Variants in ARVCF observed in about 807,000 individuals in gnomAD.
ARVCF encodes splicing regulator ARVCF.
In ARVCF, 66 loss-of-function variants were observed where a neutral mutation model predicts 90.9. That is an observed-to-expected ratio of 0.73 (90% CI 0.60 to 0.89). The LOEUF (loss-of-function observed/expected upper bound fraction) is 0.89, where lower values mean the gene tolerates loss of function less well. Among genes scored for constraint, ARVCF ranks in the 40% least tolerant of loss-of-function variants. The pLI, the probability that ARVCF is intolerant of heterozygous loss-of-function variation, is 0.00. For missense variants in ARVCF, 1,469 were observed against 1,382.3 expected (o/e 1.06, Z -1.00); for synonymous variants, 653 against 603.4 (o/e 1.08, Z -1.21).
At chr22:19,998,295 A>G (rs1944326701) in intron 2 of ARVCF, among the ~76,000 whole-genome samples, 1 of 152,128 alleles carries the variant, frequency 6.6e-6, no homozygotes, top group African/African-American at 2.4e-5. Flanking sequence ...CTCTATCACC[A>G]TGGAAACACC....
At chr22:19,998,242 C>T (rs1055674574) in intron 2 of ARVCF, among the ~76,000 whole-genome samples, 1 of 152,226 alleles carries the variant, frequency 6.6e-6, no homozygotes, top group Non-Finnish European at 1.5e-5. Context: ...ACGCCCTTTC[C>T]CCCCTCATTG....
chr22:19,994,729 G>A (rs1379513595), intron 2 of ARVCF, among the ~76,000 whole-genome samples: 5 of 143,812 alleles, frequency 3.5e-5, no homozygotes, highest in Admixed American at 2.7e-4. Flanking sequence ...GGGTAGGTGG[G>A]GGGGAATGAT....
chr22:19,972,123 C>A (rs1942844950), intron 17 of ARVCF, 152 bp from the exon 18 acceptor site: 1 of 898,244 alleles, frequency 1.1e-6, no homozygotes, highest in Non-Finnish European at 1.7e-6. Flanking sequence ...CAGGCTGGTG[C>A]CAGCTCTCAC....
intron 3 of ARVCF, among the ~76,000 whole-genome samples, chr22:19,985,680 T>C (rs536652711): frequency 6.6e-5 from 10 of 152,064 alleles, no homozygotes; most frequent in Admixed American, 5.2e-4. Flanking sequence ...CCTGGTCCCA[T>C]ATTACTTATC....
chr22:19,997,942 C>T (rs938809226), intron 2 of ARVCF, among the ~76,000 whole-genome samples: 3 of 152,326 alleles, frequency 2.0e-5, no homozygotes, highest in Admixed American at 6.5e-5. Context: ...GCAGTGGAGG[C>T]GGAGGCGGGG....
chr22:19,989,139 T>C (rs1204905643), intron 3 of ARVCF, among the ~76,000 whole-genome samples: 2 of 151,958 alleles, frequency 1.3e-5, no homozygotes, highest in African/African-American at 4.8e-5. Flanking sequence ...AGCGTTCTGC[T>C]TCCCCGCCTC....
intron 11 of ARVCF, among the ~76,000 whole-genome samples, 165 bp downstream of exon 11, chr22:19,975,521 C>T: frequency 6.6e-6 from 1 of 152,226 alleles, no homozygotes; most frequent in East Asian, 1.9e-4. Flanking sequence ...CAGCAGGTGT[C>T]CTGGTGCTGA....
At position 19,979,786 on chromosome 22, in the gene ARVCF, C is replaced by A. The variant is rs754283291; in HGVS notation, c.1353G>T (p.Leu451=). 15 of 1,608,192 alleles carry A rather than the reference C, an allele frequency of 9.3e-6. No individual in the cohort carries two copies. The highest frequency in any genetic ancestry group is 1.2e-5 in the Non-Finnish European group (14 of 1,177,674). The part of the protein sequence containing the change: ...DCGGVPALVR[L]LRAARDNEVR... ...CCTCGTTGTCCCGGGCAGCCCTCAG[C>A]AGGCGCACCAGGGCAGGCACACCAC... Residue 451 remains leucine, a synonymous_variant, in exon 6 of 20, where the codon CTG becomes CTT. Transcript: ENST00000263207.
intron 2 of ARVCF, among the ~76,000 whole-genome samples, chr22:20,003,306 C>T (rs1944507864): frequency 6.6e-6 from 1 of 152,136 alleles, no homozygotes; most frequent in Non-Finnish European, 1.5e-5. Flanking sequence ...CACCAATCGT[C>T]CTCAAACTTT....
chr22:20,013,119 C>T (rs921496393), intron 1 of ARVCF, among the ~76,000 whole-genome samples: 4 of 152,240 alleles, frequency 2.6e-5, no homozygotes, highest in African/African-American at 4.8e-5. Flanking sequence ...TGGAGTGCCC[C>T]GTGGCCAGTG....
At chr22:19,968,561 C>T, downstream of ARVCF, 1 of 1,614,070 alleles carries the variant, frequency 6.2e-7, no homozygotes. Flanking sequence ...CGGAAGGGGA[C>T]AGTGCTACTG....
downstream of ARVCF, chr22:19,967,031 G>A (rs1282180727): frequency 7.5e-6 from 9 of 1,202,198 alleles, no homozygotes; most frequent in Admixed American, 1.4e-4. Flanking sequence ...AGTGTCGGGC[G>A]ACAGGCAGGA....
In ARVCF at chr22:19,977,420, G is replaced by T; in HGVS notation, c.1865C>A (p.Ala622Asp). The T allele has an allele frequency of 6.6e-7, 1 of 1,524,152 alleles. No homozygotes were observed. 94.4% of individuals were successfully genotyped at this position (1,524,152 alleles called of 1,614,324 possible). ...DDASCFGGKKAKEEWFHQGKK... is the reference protein window; with the variant it reads ...DDASCFGGKKDKEEWFHQGKK... ...CCCCAGTCCGCCCCACCCACCTTTG[G>T]CCTTCTTGCCTCCAAAGCAGCTGGC... Residue 622 changes from alanine (A) to aspartate (D), a missense_variant, in exon 9 of 20, where the codon GCC becomes GAC. Coordinates refer to ENST00000263207, the MANE Select transcript of ARVCF (RefSeq NM_001670.3).
At chr22:19,998,606 T>C (rs931154604) in intron 2 of ARVCF, among the ~76,000 whole-genome samples, 4 of 151,528 alleles carry the variant, frequency 2.6e-5, no homozygotes, top group Non-Finnish European at 5.9e-5. Flanking sequence ...CTGCAGGAGC[T>C]GGGGGGTTCC....
At position 19,972,438 on chromosome 22, in the gene ARVCF, T is replaced by C. The variant is rs887349099; in HGVS notation, c.2642-27A>G. On this transcript the variant is annotated intron_variant, in intron 16 of 19. Coordinates refer to ENST00000263207, the MANE Select transcript of ARVCF (RefSeq NM_001670.3). ...TGCAAGGCAGGAGGAGGAGACGGGC[T>C]GCATGTGGCAGCCAGGGGGGATCGG... The C allele has an allele frequency of 2.5e-6, 4 of 1,612,894 alleles. No individual in the cohort carries two copies. In the Admixed American group the frequency reaches 5.0e-5, roughly 20 times the overall value.
intron 2 of ARVCF, among the ~76,000 whole-genome samples, chr22:19,991,600 TG>T (rs1944028786): frequency 6.6e-6 from 1 of 152,084 alleles, no homozygotes; most frequent in South Asian, 2.1e-4. Flanking sequence ...AAGCACAGGG[TG>T]GGATTGGGCC....
In ARVCF at chr22:19,974,257, G is replaced by A. The variant is rs777990697; in HGVS notation, c.1961-18C>T. 17 of 1,586,848 alleles carry A rather than the reference G, an allele frequency of 1.1e-5. No individual in the cohort carries two copies. Among genetic ancestry groups the A allele is most frequent in the South Asian group, 4.5e-5 (4 of 89,498 alleles). On this transcript the variant is annotated intron_variant, in intron 11 of 19. Transcript: ENST00000263207. ...CTCAAAGCCTAGGTGCAGGGCAACC[G>A]CCACCCACGGTCACCCAGAATCTGC...
Position 19,981,505 on chromosome 22 carries a change from T to A in ARVCF, c.602A>T (p.Tyr201Phe), listed in dbSNP as rs781583126. 21 of 1,561,930 alleles carry A rather than the reference T, an allele frequency of 1.3e-5. No homozygotes were observed. The highest frequency in any genetic ancestry group is 1.8e-5 in the Non-Finnish European group (21 of 1,155,406). ...EGPEPRDSPS[Y>F]GSLSRGLGMR... ...GCCCAGCCCTCGGGACAGGCTGCCA[T>A]AGCTGGGGCTGTCCCGGGGCTCGGG... The change falls in exon 5 of 20, where the codon TAT becomes TTT. Residue 201 changes from tyrosine to phenylalanine, a missense_variant. Physicochemically the swap from Tyr to Phe is conservative, Grantham distance 22 (BLOSUM62 3). Coordinates refer to ENST00000263207, the MANE Select transcript of ARVCF (RefSeq NM_001670.3).
intron 10 of ARVCF, 93 bp from the exon 11 acceptor site, chr22:19,975,850 C>G (rs1943124537): frequency 7.6e-7 from 1 of 1,313,142 alleles, no homozygotes; most frequent in Non-Finnish European, 1.1e-6. Context: ...TACCCAGGCC[C>G]CAAAAGGCAC....
Sources: allele counts gnomAD v4.1 joint callset (sites outside exome capture counted in the v4.1 genomes callset), GRCh38; gene constraint gnomAD v4.1.1; transcripts MANE v1.5; gene names NCBI Gene and HGNC (gene_info 2026-07-23, HGNC 2026-07-21).